CNTN4: variants seen among roughly 807,000 people sequenced by gnomAD.
The protein encoded by CNTN4 is contactin 4.
In CNTN4, 77 loss-of-function variants were observed where a neutral mutation model predicts 122.5. The ratio of observed to expected loss-of-function variants is 0.63; its 90% CI spans 0.52 to 0.76. CNTN4 has a LOEUF of 0.76. Ranked by LOEUF, CNTN4 falls within the 30% of genes least tolerant of loss-of-function variation. CNTN4 has a pLI of 0.00. For missense variants in CNTN4, 1,256 were observed against 1,259.1 expected (o/e 1.00, Z 0.04); for synonymous variants, 512 against 447.0 (o/e 1.15, Z -1.83).
chr3:2,265,198 T>C (rs575698220), intron 2 of CNTN4, among the ~76,000 whole-genome samples: 1 of 105,998 alleles, frequency 9.4e-6, no homozygotes, highest in Admixed American at 1.0e-4. Flanking sequence ...ATTTCGTTCC[T>C]TTTTATGGTT....
chr3:2,294,852 G>A (rs1049047254), intron 2 of CNTN4, among the ~76,000 whole-genome samples: 40 of 151,130 alleles, frequency 2.6e-4, no homozygotes, highest in African/African-American at 4.4e-4. Context: ...AACAGTCCCC[G>A]GTGTGTGATG....
intron 2 of CNTN4, among the ~76,000 whole-genome samples, chr3:2,225,116 A>C (rs1167316705): frequency 5.3e-5 from 8 of 150,928 alleles, no homozygotes; most frequent in Non-Finnish European, 1.2e-4. Flanking sequence ...GCACCACTGC[A>C]CTCCAGCCTG....
chr3:2,815,957 G>A (rs2092717123), intron 6 of CNTN4, among the ~76,000 whole-genome samples: 1 of 151,424 alleles, frequency 6.6e-6, no homozygotes, highest in African/African-American at 2.5e-5. Flanking sequence ...GGATGAGATT[G>A]GAGACTATTA....
intron 2 of CNTN4, among the ~76,000 whole-genome samples, chr3:2,182,836 T>A (rs1474367889): frequency 6.6e-6 from 1 of 152,056 alleles, no homozygotes; most frequent in East Asian, 1.9e-4. Flanking sequence ...ACAGGTTTTT[T>A]TTTTTTTCTC....
intron 10 of CNTN4, among the ~76,000 whole-genome samples, chr3:2,896,174 A>G (rs748681249): frequency 1.3e-5 from 2 of 152,198 alleles, no homozygotes; most frequent in African/African-American, 2.4e-5. Context: ...CTTATAATAC[A>G]AGATATCAGC....
At chr3:2,591,964 A>T (rs1239918729) in intron 4 of CNTN4, among the ~76,000 whole-genome samples, 1 of 151,216 alleles carries the variant, frequency 6.6e-6, no homozygotes, top group East Asian at 1.9e-4. Flanking sequence ...TGAAACCTCA[A>T]ACTCCTGGGC....
At chr3:2,742,954 A>G (rs2089541594) in intron 5 of CNTN4, among the ~76,000 whole-genome samples, 1 of 152,226 alleles carries the variant, frequency 6.6e-6, no homozygotes, top group Admixed American at 6.5e-5. Context: ...TTTCGGAGAA[A>G]GCACTTTATT....
intron 2 of CNTN4, among the ~76,000 whole-genome samples, chr3:2,231,284 T>C (rs573017556): frequency 3.9e-5 from 6 of 152,272 alleles, no homozygotes; most frequent in South Asian, 2.1e-4. Context: ...ACAGCTTGGC[T>C]CTGAATAGCA....
At chr3:2,224,843 A>C (rs748089111) in intron 2 of CNTN4, among the ~76,000 whole-genome samples, 2 of 152,166 alleles carry the variant, frequency 1.3e-5, no homozygotes, top group East Asian at 3.9e-4. Flanking sequence ...AGAGCCATAA[A>C]ATGATATTAG....
intron 5 of CNTN4, among the ~76,000 whole-genome samples, chr3:2,739,343 A>C (rs2149510934): frequency 6.6e-6 from 1 of 152,222 alleles, no homozygotes; most frequent in South Asian, 2.1e-4. Flanking sequence ...GTAAAGCTAA[A>C]GGTGCACGTA....
At chr3:2,222,585 G>A (rs1029678621) in intron 2 of CNTN4, among the ~76,000 whole-genome samples, 2 of 151,514 alleles carry the variant, frequency 1.3e-5, no homozygotes, top group African/African-American at 2.4e-5. Flanking sequence ...CTTTGAAGGA[G>A]TGAATTTTAT....
At chr3:2,864,683 G>A (rs936828863) in intron 7 of CNTN4, among the ~76,000 whole-genome samples, 1 of 132,988 alleles carries the variant, frequency 7.5e-6, no homozygotes, top group Non-Finnish European at 1.5e-5. Flanking sequence ...AGGTTGCAGT[G>A]AGCCAAGATC....
chr3:2,303,867 T>A (rs2042611044), intron 2 of CNTN4, among the ~76,000 whole-genome samples: 2 of 149,782 alleles, frequency 1.3e-5, no homozygotes, highest in Non-Finnish European at 3.0e-5. Flanking sequence ...ACAGCGACTT[T>A]CCCTCTGTCT....
chr3:2,710,715 A>G (rs562480302), intron 4 of CNTN4, among the ~76,000 whole-genome samples: 1 of 152,294 alleles, frequency 6.6e-6, no homozygotes, highest in Non-Finnish European at 1.5e-5. Flanking sequence ...AATTGAGGCC[A>G]TTTCTACCTC....
chr3:2,304,645 C>T (rs1440467375), intron 2 of CNTN4, among the ~76,000 whole-genome samples: 1 of 151,948 alleles, frequency 6.6e-6, no homozygotes, highest in Non-Finnish European at 1.5e-5. Context: ...GGCTTTATCA[C>T]ATTGTGTGAA....
intron 4 of CNTN4, among the ~76,000 whole-genome samples, chr3:2,633,003 TATA>T (rs1185940464): frequency 6.7e-6 from 1 of 148,760 alleles, no homozygotes; most frequent in Admixed American, 6.7e-5. Context: ...TATACATTTA[TATA>T]ATATCTATTT....
chr3:2,191,636 C>A (rs986759948), intron 2 of CNTN4, among the ~76,000 whole-genome samples: 2 of 151,964 alleles, frequency 1.3e-5, no homozygotes, highest in African/African-American at 4.8e-5. Context: ...GTTCAGGCCC[C>A]AACTGCCTAC....
chr3:2,902,148 G>C (rs938868456), intron 11 of CNTN4, among the ~76,000 whole-genome samples: 1 of 152,144 alleles, frequency 6.6e-6, no homozygotes, highest in African/African-American at 2.4e-5. Flanking sequence ...CAGAAAACTA[G>C]TACCTCTTTA....
At chr3:2,752,085 T>G (rs1451627939) in intron 6 of CNTN4, among the ~76,000 whole-genome samples, 1 of 151,874 alleles carries the variant, frequency 6.6e-6, no homozygotes. Context: ...ACTGCTTCTG[T>G]GTTTTTTTGT....
Sources: gnomAD v4.1 joint callset for allele counts (sites outside exome capture counted in the v4.1 genomes callset) on GRCh38, gnomAD v4.1.1 for gene constraint, MANE v1.5 for transcripts, NCBI Gene and HGNC (gene_info 2026-07-23, HGNC 2026-07-21) for gene names.